Variants in SKA2 observed in about 807,000 individuals in gnomAD.
The protein encoded by SKA2 is spindle and kinetochore associated complex subunit 2.
In SKA2, 13 loss-of-function variants were observed where a neutral mutation model predicts 16.9. The observed-to-expected ratio is 0.77, with a 90% CI of 0.50 to 1.22. The LOEUF is 1.22. SKA2 is among the 50% of genes most tolerant of loss of function. The probability of loss-of-function intolerance (pLI) is 0.00; values close to 1 mark genes in which losing one functional copy is unlikely to be tolerated. For missense variants in SKA2, 107 were observed against 139.7 expected (o/e 0.77, Z 1.18); for synonymous variants, 47 against 48.5 (o/e 0.97, Z 0.13).
chr17:59,149,058 C>T (rs1325656951), intron 1 of SKA2, among the ~76,000 whole-genome samples: 1 of 152,044 alleles, frequency 6.6e-6, no homozygotes, highest in Admixed American at 6.6e-5. Context: ...GAACCCTTAT[C>T]AATAGCTTTG....
intron 1 of SKA2, chr17:59,151,170 T>G (rs1473356614): frequency 2.0e-6 from 1 of 512,180 alleles, no homozygotes; most frequent in Non-Finnish European, 4.1e-6. Flanking sequence ...ACTATTGCAC[T>G]GCTAGCTGTA....
rs2046256190 is a variant in SKA2 at position 59,110,458 on chromosome 17, AT to A, written c.*1818del. ...ACTAATTGCCTGAACACTGAAGAAA[AT>A]TAATATCTGATACTAAGGTGTAACT... On this transcript the variant is annotated 3_prime_UTR_variant, in exon 4 of 4. Transcript: ENST00000330137. 1 of 152,086 alleles carries A rather than the reference AT, an allele frequency of 6.6e-6. No individual in the cohort carries two copies. Among genetic ancestry groups the A allele is most frequent in the Non-Finnish European group, 1.5e-5 (1 of 68,028 alleles). 9.4% of individuals were successfully genotyped at this position (152,086 alleles called of 1,614,324 possible).
chr17:59,115,490 G>C (rs2046290276), intron 3 of SKA2, among the ~76,000 whole-genome samples: 1 of 152,132 alleles, frequency 6.6e-6, no homozygotes, highest in South Asian at 2.1e-4. Context: ...TGTTCACAAG[G>C]ATAAACTGAA....
intron 3 of SKA2, among the ~76,000 whole-genome samples, chr17:59,118,481 A>C (rs2046311338): frequency 6.6e-6 from 1 of 152,214 alleles, no homozygotes; most frequent in Admixed American, 6.5e-5. Context: ...CTGGAACTAT[A>C]CTTAATCAGC....
intron 1 of SKA2, among the ~76,000 whole-genome samples, chr17:59,142,217 G>A (rs2046495640): frequency 1.3e-5 from 2 of 151,380 alleles, no homozygotes; most frequent in Admixed American, 1.3e-4. Context: ...GTAGGTCATG[G>A]TAGTACATGT....
chr17:59,140,704 G>A (rs1480832514), intron 1 of SKA2, among the ~76,000 whole-genome samples: 2 of 150,738 alleles, frequency 1.3e-5, no homozygotes, highest in East Asian at 2.0e-4. Flanking sequence ...TCTGCCTCCC[G>A]GGTTCACGCC....
intron 2 of SKA2, among the ~76,000 whole-genome samples, chr17:59,123,072 G>C (rs948400752): frequency 8.0e-5 from 12 of 149,700 alleles, no homozygotes; most frequent in Non-Finnish European, 1.6e-4. Context: ...TAAGCAAATG[G>C]AAGGAAAAAA....
intron 1 of SKA2, among the ~76,000 whole-genome samples, chr17:59,150,709 T>G (rs1368439002): frequency 1.3e-5 from 2 of 151,974 alleles, no homozygotes; most frequent in Non-Finnish European, 2.9e-5. Context: ...GCCACTGCAC[T>G]CCAGCCTGGG....
At chr17:59,152,743 G>A (rs930003494) in intron 1 of SKA2, among the ~76,000 whole-genome samples, 1 of 151,634 alleles carries the variant, frequency 6.6e-6, no homozygotes, top group Non-Finnish European at 1.5e-5. Flanking sequence ...TAAATCTGAA[G>A]ATGAGATGCA....
At chr17:59,113,246 C>T (rs910069043) in intron 3 of SKA2, among the ~76,000 whole-genome samples, 7 of 151,854 alleles carry the variant, frequency 4.6e-5, no homozygotes, top group Admixed American at 1.3e-4. Flanking sequence ...AGAGGCCGGA[C>T]GCGGTGGCTC....
At chr17:59,113,892 C>A (rs894946831) in intron 3 of SKA2, among the ~76,000 whole-genome samples, 1 of 151,612 alleles carries the variant, frequency 6.6e-6, no homozygotes, top group African/African-American at 2.4e-5. Flanking sequence ...AAAGGAAAGA[C>A]TTCTGGGCTG....
intron 1 of SKA2, among the ~76,000 whole-genome samples, chr17:59,142,393 C>T (rs1181844192): frequency 2.7e-5 from 4 of 150,096 alleles, no homozygotes; most frequent in African/African-American, 4.9e-5. Flanking sequence ...TGGGTTCAAG[C>T]GATTCTCCTG....
intron 2 of SKA2, among the ~76,000 whole-genome samples, chr17:59,120,934 T>C (rs1298996885): frequency 1.3e-5 from 2 of 150,988 alleles, no homozygotes; most frequent in Non-Finnish European, 3.0e-5. Flanking sequence ...GGGCAGATCA[T>C]GAGGTCAGGA....
chr17:59,153,889 A>G (rs1285839982), intron 1 of SKA2, among the ~76,000 whole-genome samples: 1 of 151,750 alleles, frequency 6.6e-6, no homozygotes, highest in African/African-American at 2.4e-5. Context: ...CTCCTGCCTC[A>G]GCCTCCCGAG....
intron 2 of SKA2, among the ~76,000 whole-genome samples, chr17:59,125,528 C>A (rs1165734212): frequency 6.6e-6 from 1 of 150,900 alleles, no homozygotes; most frequent in East Asian, 2.0e-4. Context: ...TGGTGAAACC[C>A]CGTCTCTAAT....
At position 59,131,210 on chromosome 17, in the gene SKA2, A is replaced by C. The variant is rs1184126403; in HGVS notation, c.120+71T>G. ...TTCTTATGATCTATTACTATTAGGA[A>C]TGCTATCAGAAAATTCTAAAGTATT... On this transcript the variant is annotated intron_variant, in intron 2 of 3. Transcript: ENST00000330137. 6.2e-6 allele frequency: 6 copies of C among 962,984 alleles called. No homozygotes were observed. In the East Asian group the frequency reaches 1.6e-4, roughly 26 times the overall value. The allele number at this position is 962,984 out of a possible 1,614,324, so 59.7% of individuals were successfully genotyped here.
At chr17:59,151,006 T>G (rs1322131069) in intron 1 of SKA2, 1 of 357,770 alleles carries the variant, frequency 2.8e-6, no homozygotes, top group Non-Finnish European at 5.6e-6. Flanking sequence ...TTTTTTTTTT[T>G]CAAATTATGA....
chr17:59,152,436 G>A (rs1599683100), intron 1 of SKA2, among the ~76,000 whole-genome samples: 1 of 152,168 alleles, frequency 6.6e-6, no homozygotes, highest in East Asian at 1.9e-4. Context: ...AATATTTAAC[G>A]CTGGTAGCCA....
chr17:59,121,307 C>T (rs887175564), intron 2 of SKA2, among the ~76,000 whole-genome samples: 1 of 151,810 alleles, frequency 6.6e-6, no homozygotes, highest in Non-Finnish European at 1.5e-5. Context: ...AAGAGTGAAA[C>T]ATATGATACA....
Sources: gnomAD v4.1 joint callset for allele counts (sites outside exome capture counted in the v4.1 genomes callset) on GRCh38, gnomAD v4.1.1 for gene constraint, MANE v1.5 for transcripts, NCBI Gene and HGNC (gene_info 2026-07-23, HGNC 2026-07-21) for gene names.